Variants in TMEM145 observed in about 807,000 individuals in gnomAD.
TMEM145 encodes transmembrane protein 145.
In TMEM145, 46 loss-of-function variants were observed where a neutral mutation model predicts 68.5. That is an observed-to-expected ratio of 0.67 (90% CI 0.53 to 0.86). TMEM145 has a LOEUF of 0.86. TMEM145 is among the 40% of genes least tolerant of loss of function. The pLI is 0.00. For missense variants in TMEM145, 570 were observed against 645.8 expected (o/e 0.88, Z 1.27); for synonymous variants, 255 against 280.2 (o/e 0.91, Z 0.90).
rs1568545745 is a variant in TMEM145, at chr19:42,313,458, C to CG, written c.85dup (p.Ala29GlyfsTer37). The CG allele has an allele frequency of 7.3e-7, 1 of 1,368,250 alleles. No homozygotes were observed. The allele number at this position is 1,368,250 out of a possible 1,614,324, so 84.8% of individuals were successfully genotyped here. A position where few individuals can be genotyped will look rare whatever the true frequency, so the allele number is the denominator to read the frequency against. ...GCTGCTGTCACTGCCCCCCCGCGCC[C>CG]GGGCCAAGTACGTGCGGGGCAACCT... On this transcript the variant is annotated frameshift_variant, in exon 1 of 15. Coordinates refer to ENST00000301204, the MANE Select transcript of TMEM145 (RefSeq NM_173633.3). LOFTEE classifies it high-confidence loss of function. This position sits in a 1 kb window ranked among gnomAD's most constrained non-coding sequence, Gnocchi z 5.1.
Position 42,314,715 on chromosome 19 carries a change from G to C in TMEM145, c.360+16G>C, listed in dbSNP as rs759470287. The C allele has an allele frequency of 1.2e-6, 2 of 1,614,204 alleles. No homozygotes were observed. Among genetic ancestry groups the C allele is most frequent in the Non-Finnish European group, 1.7e-6 (2 of 1,180,018 alleles). On this transcript the variant is annotated intron_variant, in intron 4 of 14. Transcript: ENST00000301204. ...CGGCTGTCAGGTGCAGGCTCAGCCT[G>C]GGGGAGTGGGCAGGTGCTGAAGGAT...
At chr19:42,323,199 G>A (rs918229679) in intron 13 of TMEM145, among the ~76,000 whole-genome samples, 2 of 152,242 alleles carry the variant, frequency 1.3e-5, no homozygotes, top group African/African-American at 4.8e-5. Context: ...CTAACCACAT[G>A]TGGCTGTTGA....
chr19:42,323,818 A>T (rs755311592), intron 14 of TMEM145, 29 bp downstream of exon 14: 1 of 1,602,396 alleles, frequency 6.2e-7, no homozygotes, highest in Admixed American at 1.7e-5. Flanking sequence ...GCGCCCGAGG[A>T]GCTGCTGGCG....
rs572388718 is a variant in TMEM145 at position 42,324,852 on chromosome 19, C to A, written c.*35C>A. Reference sequence around the variant, plus strand: ...ACTCCGGAACACCCGTGGTGACCGCCGGGACCCTGCCTGTGACTCTCCAGG... The same window carrying A: ...ACTCCGGAACACCCGTGGTGACCGCAGGGACCCTGCCTGTGACTCTCCAGG... On this transcript the variant is annotated 3_prime_UTR_variant, in exon 15 of 15. Transcript: ENST00000301204. 1 of 1,512,508 alleles carries A rather than the reference C, an allele frequency of 6.6e-7. No individual in the cohort carries two copies. Among genetic ancestry groups the A allele is most frequent in the South Asian group, 1.3e-5 (1 of 79,094 alleles). The allele number at this position is 1,512,508 out of a possible 1,614,324, so 93.7% of individuals were successfully genotyped here.
At chr19:42,320,072 C>A (rs2098431843) in intron 12 of TMEM145, among the ~76,000 whole-genome samples, 1 of 152,098 alleles carries the variant, frequency 6.6e-6, no homozygotes, top group Admixed American at 6.6e-5. Context: ...CTATTGATTT[C>A]TTATCAGATG....
At chr19:42,316,023 C>G (rs1018561410) in intron 8 of TMEM145, among the ~76,000 whole-genome samples, 3 of 151,814 alleles carry the variant, frequency 2.0e-5, no homozygotes, top group African/African-American at 7.3e-5. Context: ...GAGAGAGACT[C>G]TGTCTCAAAA....
At chr19:42,318,323 G>T (rs934559590) in intron 12 of TMEM145, among the ~76,000 whole-genome samples, 12 of 135,736 alleles carry the variant, frequency 8.8e-5, no homozygotes, top group African/African-American at 2.6e-4. Flanking sequence ...AACCAAGATC[G>T]CACCACTGCA....
chr19:42,315,436 AGAG>A lies in TMEM145; in HGVS notation c.644_646del (p.Glu215del). 6.2e-7 allele frequency: 1 copy of A among 1,614,132 alleles called. No individual in the cohort carries two copies. Among genetic ancestry groups the A allele is most frequent in the Non-Finnish European group, 8.5e-7 (1 of 1,180,014 alleles). ...AAATGTTCATGGCCGCAGCAGGAGTAGAGGGTGAGGTTCCGTGTCCCAACTTTT... is the reference window on the plus strand; with the variant it reads ...AAATGTTCATGGCCGCAGCAGGAGTAGGTGAGGTTCCGTGTCCCAACTTTT... On this transcript the variant is annotated inframe_deletion and splice_region_variant, in exon 8 of 15. Coordinates refer to ENST00000301204, the MANE Select transcript of TMEM145 (RefSeq NM_173633.3).
At chr19:42,320,466 G>A (rs1159285652) in intron 13 of TMEM145, 29 bp downstream of exon 13, 1 of 1,612,992 alleles carries the variant, frequency 6.2e-7, no homozygotes, top group Non-Finnish European at 8.5e-7. Context: ...GGGGGGTGGA[G>A]GGGAGGACCC....
At chr19:42,318,066 C>T (rs542917382) in intron 12 of TMEM145, among the ~76,000 whole-genome samples, 185 bp downstream of exon 12, 1 of 152,274 alleles carries the variant, frequency 6.6e-6, no homozygotes, top group Admixed American at 6.5e-5. Flanking sequence ...ATCAGGTTTA[C>T]CCATAAAACA....
At position 42,314,766 on chromosome 19, in the gene TMEM145, GCTTCAGC is replaced by G. The variant is rs1433806058; in HGVS notation, c.361-21_361-15del. ...GAAGCCTTCGGGGCATCAAGGACAG[GCTTCAGC>G]CTTCTCGTTTGTCCCCAGGTGGTAT... On this transcript the variant is annotated intron_variant, in intron 4 of 14. Transcript: ENST00000301204. 3 of 1,614,076 alleles carry G rather than the reference GCTTCAGC, an allele frequency of 1.9e-6. No homozygotes were observed. The highest frequency in any genetic ancestry group is 2.5e-6 in the Non-Finnish European group (3 of 1,180,014).
At chr19:42,323,858 G>C (rs1206153716) in intron 14 of TMEM145, 69 bp downstream of exon 14, 4 of 1,417,100 alleles carry the variant, frequency 2.8e-6, no homozygotes, top group East Asian at 4.7e-5. Flanking sequence ...CCCCGCTCCC[G>C]GCCCCGCCGC....
intron 11 of TMEM145, 73 bp from the exon 12 acceptor site, chr19:42,317,636 C>A: frequency 2.6e-6 from 4 of 1,522,588 alleles, no homozygotes; most frequent in Non-Finnish European, 3.6e-6. Context: ...CCCAAGTGCC[C>A]AGGGGTGGGG....
intron 13 of TMEM145, among the ~76,000 whole-genome samples, chr19:42,322,844 A>G (rs928268154): frequency 6.6e-6 from 1 of 151,992 alleles, no homozygotes; most frequent in African/African-American, 2.4e-5. Flanking sequence ...CTGGGATTAC[A>G]GGCGCACCAC....
At position 42,316,978 on chromosome 19, in the gene TMEM145, C is replaced by A. The variant is rs1467501651; in HGVS notation, c.900+15C>A. The stretch of plus-strand genomic sequence containing the variant: ...ACGAGGCGGAAGTGAGTCCGACTGG[C>A]CCCTGGCCGGGCCCTGCCTTCCCCT... On this transcript the variant is annotated intron_variant, in intron 11 of 14. Transcript: ENST00000301204. 6.2e-7 allele frequency: 1 copy of A among 1,609,612 alleles called. No homozygotes were observed. Among genetic ancestry groups the A allele is most frequent in the East Asian group, 2.2e-5 (1 of 44,702 alleles).
In TMEM145 at chr19:42,314,545, G is replaced by C. The variant is rs2038835303; in HGVS notation, c.273+17G>C. 2.5e-6 allele frequency: 4 copies of C among 1,614,058 alleles called. No homozygotes were observed. The highest frequency in any genetic ancestry group is 1.3e-5 in the African/African-American group (1 of 74,914). ...GGGGACAAGGTGAGGGCTGTGAAGA[G>C]GGCATAGGGGGAGAGGGGAGAAGGT... On this transcript the variant is annotated intron_variant, in intron 3 of 14. Coordinates refer to ENST00000301204, the MANE Select transcript of TMEM145 (RefSeq NM_173633.3).
intron 11 of TMEM145, 79 bp downstream of exon 11, chr19:42,317,042 C>T (rs2038866461): frequency 8.0e-7 from 1 of 1,252,212 alleles, no homozygotes; most frequent in Non-Finnish European, 1.1e-6. Context: ...GTCTGCTCGC[C>T]CTTGCCCACA....
chr19:42,315,498 A>G (rs753356139), intron 8 of TMEM145, 58 bp downstream of exon 8: 15 of 1,557,370 alleles, frequency 9.6e-6, no homozygotes, highest in African/African-American at 1.4e-5. Flanking sequence ...GGGGCCAGAC[A>G]CCTGGGCCTA....
chr19:42,321,375 C>G (rs2038910151), intron 13 of TMEM145: 1 of 370,852 alleles, frequency 2.7e-6, no homozygotes, highest in Non-Finnish European at 4.8e-6. Flanking sequence ...GCCACCATGC[C>G]CGGTTAAGTG....
Sources: gnomAD v4.1 joint callset for allele counts (sites outside exome capture counted in the v4.1 genomes callset) on GRCh38, gnomAD v4.1.1 for gene constraint, Gnocchi (gnomAD v3.1) non-coding constraint, MANE v1.5 for transcripts, NCBI Gene and HGNC (gene_info 2026-07-23, HGNC 2026-07-21) for gene names.